Variants in TNFRSF13B observed in about 807,000 individuals in gnomAD.
TNFRSF13B encodes the protein tumor necrosis factor receptor superfamily member 13B.
A neutral mutation model predicts 24.0 loss-of-function variants in TNFRSF13B; 34 were observed. That is an observed-to-expected ratio of 1.41 (90% CI 1.08 to 1.88). The LOEUF (loss-of-function observed/expected upper bound fraction) is 1.88, where lower values mean the gene tolerates loss of function less well. TNFRSF13B is among the 40% of genes most tolerant of loss of function. TNFRSF13B has a pLI of 0.00. For synonymous variants in TNFRSF13B, 173 were observed against 150.3 expected, an observed-to-expected ratio of 1.15 and a Z score of -1.10; for missense variants, 415 against 380.8, an observed-to-expected ratio of 1.09 and a Z score of -0.75.
At chr17:16,963,351 A>C (rs2087676213) in intron 1 of TNFRSF13B, among the ~76,000 whole-genome samples, 1 of 152,196 alleles carries the variant, frequency 6.6e-6, no homozygotes, top group Non-Finnish European at 1.5e-5. Flanking sequence ...GGCGTGAGCC[A>C]ACTCCCTCTT....
In TNFRSF13B at chr17:16,966,858, A is replaced by C. The variant is rs559013227; in HGVS notation, c.61+5157T>G. On this transcript the variant is annotated intron_variant, in intron 1 of 4. Coordinates refer to ENST00000261652, the MANE Select transcript of TNFRSF13B (RefSeq NM_012452.3). ...TTTTTTCTTTTTTTTTTTTTTTTTG[A>C]GATGGAGTCTCACTCTGTCTCCCAG... Among the ~76,000 whole-genome samples, 116 of 72,150 alleles carry C rather than the reference A, an allele frequency of 1.6e-3. 1 individual carries two copies. The highest frequency in any genetic ancestry group is 6.0e-3 in the African/African-American group (112 of 18,812). The allele number at this position is 72,150 out of a possible 152,430, so 47.3% of individuals were successfully genotyped here.
chr17:16,962,179 T>C (rs1321394710), intron 1 of TNFRSF13B, among the ~76,000 whole-genome samples: 2 of 152,150 alleles, frequency 1.3e-5, no homozygotes, highest in Non-Finnish European at 2.9e-5. Context: ...ACAGAGGAGT[T>C]ACCAACTCCA....
At chr17:16,953,109 A>C (rs1437529048) in intron 1 of TNFRSF13B, among the ~76,000 whole-genome samples, 2 of 152,052 alleles carry the variant, frequency 1.3e-5, no homozygotes, top group Non-Finnish European at 2.9e-5. Flanking sequence ...CTTTCCTTCT[A>C]TGCATGTGGT....
chr17:16,965,003 A>G (rs918914315), intron 1 of TNFRSF13B, among the ~76,000 whole-genome samples: 1 of 152,212 alleles, frequency 6.6e-6, no homozygotes, highest in Non-Finnish European at 1.5e-5. Flanking sequence ...TGCTACTGGT[A>G]TAATAACTAC....
intron 1 of TNFRSF13B, among the ~76,000 whole-genome samples, chr17:16,957,368 C>T (rs1405965719): frequency 2.0e-5 from 3 of 151,598 alleles, no homozygotes; most frequent in Admixed American, 6.6e-5. Flanking sequence ...TTGAACAGAG[C>T]CAAATGTACT....
At chr17:16,946,584 A>ATTAT (rs2087550294) in intron 3 of TNFRSF13B, among the ~76,000 whole-genome samples, 1 of 122,012 alleles carries the variant, frequency 8.2e-6, no homozygotes. Flanking sequence ...ATTTTTATTT[A>ATTAT]TTTATTTATT....
chr17:16,963,744 G>T (rs561098727), intron 1 of TNFRSF13B, among the ~76,000 whole-genome samples: 1 of 152,094 alleles, frequency 6.6e-6, no homozygotes, highest in South Asian at 2.1e-4. Flanking sequence ...TAGAGACAGG[G>T]TTTCACCGTG....
rs183870094 is a variant in TNFRSF13B, at chr17:16,957,726, C to T, written c.62-5143G>A. On this transcript the variant is annotated intron_variant, in intron 1 of 4. Coordinates refer to ENST00000261652, the MANE Select transcript of TNFRSF13B (RefSeq NM_012452.3). ...TAAAGTCCTCAAAGAAAACAGTAAG[C>T]TGTCAACCAGGAATTGTATATAATT... Among the ~76,000 whole-genome samples the T allele has an allele frequency of 3.5e-3, 531 of 152,054 alleles. 8 individuals are homozygous for T. The highest frequency in any genetic ancestry group is 0.012 in the African/African-American group (516 of 41,328).
intron 3 of TNFRSF13B, among the ~76,000 whole-genome samples, chr17:16,946,621 T>G (rs2087551431): frequency 6.6e-6 from 1 of 151,588 alleles, no homozygotes. Context: ...ACAGTCTCAC[T>G]GTGTCCCTCA....
At chr17:16,949,018 C>T (rs1463166884) in intron 2 of TNFRSF13B, 35 bp from the exon 3 acceptor site, 7 of 1,613,314 alleles carry the variant, frequency 4.3e-6, no homozygotes, top group Non-Finnish European at 5.9e-6. Flanking sequence ...TGCTGGGTGA[C>T]ACAGACTAGC....
chr17:16,950,589 A>C lies in TNFRSF13B; in HGVS notation c.200-1606T>G, dbSNP rs75488787. 2.8e-3 allele frequency among the ~76,000 whole-genome samples: 423 copies of C among 152,278 alleles called. 12 individuals are homozygous for C. In the East Asian group the frequency reaches 0.07, roughly 25 times the overall value. ...TCCCCAGGGCGCCCCTGAACCGCAC[A>C]GAAACTGACACCTCCACTCTGCATC... On this transcript the variant is annotated intron_variant, in intron 2 of 4. Transcript: ENST00000261652.
chr17:16,940,317 T>G lies in TNFRSF13B; in HGVS notation c.631+9A>C. 1 of 1,612,838 alleles carries G rather than the reference T, an allele frequency of 6.2e-7. No individual in the cohort carries two copies. Among genetic ancestry groups the G allele is most frequent in the Non-Finnish European group, 8.5e-7 (1 of 1,179,936 alleles). On this transcript the variant is annotated intron_variant, in intron 4 of 4. Coordinates refer to ENST00000261652, the MANE Select transcript of TNFRSF13B (RefSeq NM_012452.3). ...GAGAAGGGCGAGGACCCCAGTTTCA[T>G]GCACTCACCCTGGGAAGACTTGGCC... is the stretch of plus-strand genomic sequence containing the variant.
intron 1 of TNFRSF13B, among the ~76,000 whole-genome samples, chr17:16,968,216 G>A (rs1440206597): frequency 2.6e-5 from 4 of 151,704 alleles, no homozygotes; most frequent in Non-Finnish European, 4.4e-5. Context: ...ATTGCTGAAG[G>A]AAATTAAGGA....
At chr17:16,948,581 GT>G (rs565309002) in intron 3 of TNFRSF13B, among the ~76,000 whole-genome samples, 156 bp downstream of exon 3, 1 of 152,000 alleles carries the variant, frequency 6.6e-6, no homozygotes, top group Non-Finnish European at 1.5e-5. Context: ...TGCCTACATT[GT>G]TTTTTTTATC....
chr17:16,952,334 T>A, intron 2 of TNFRSF13B, 112 bp downstream of exon 2: 1 of 1,504,420 alleles, frequency 6.6e-7, no homozygotes, highest in Admixed American at 1.8e-5. Flanking sequence ...ACACTGTACA[T>A]CTCCTCCTGC....
intron 1 of TNFRSF13B, among the ~76,000 whole-genome samples, chr17:16,968,160 A>G (rs1239910431): frequency 1.0e-4 from 15 of 145,082 alleles, no homozygotes; most frequent in South Asian, 8.3e-4. Context: ...AAAAAAAGAA[A>G]AAAGAAAGGA....
chr17:16,942,447 G>T (rs2087517966), intron 3 of TNFRSF13B, among the ~76,000 whole-genome samples: 1 of 152,198 alleles, frequency 6.6e-6, no homozygotes, highest in Non-Finnish European at 1.5e-5. Context: ...ACAGGGGGGA[G>T]ATGGGAACTT....
At chr17:16,941,229 G>C (rs963051660) in intron 3 of TNFRSF13B, 1 of 987,536 alleles carries the variant, frequency 1.0e-6, no homozygotes, top group Non-Finnish European at 1.2e-6. Flanking sequence ...CACAGACATG[G>C]GTCGCACGAC....
At chr17:16,942,923 C>A (rs1478083248) in intron 3 of TNFRSF13B, among the ~76,000 whole-genome samples, 1 of 152,226 alleles carries the variant, frequency 6.6e-6, no homozygotes, top group African/African-American at 2.4e-5. Context: ...GGTTGTGCCA[C>A]TCCAGGCCTC....
Sources: allele counts gnomAD v4.1 joint callset (sites outside exome capture counted in the v4.1 genomes callset), GRCh38; gene constraint gnomAD v4.1.1; transcripts MANE v1.5; gene names NCBI Gene and HGNC (gene_info 2026-07-23, HGNC 2026-07-21).